Variants in BCAP29 observed in about 807,000 individuals in gnomAD.
BCAP29 encodes B-cell receptor-associated protein 29.
Under a neutral mutation model 31.8 loss-of-function variants are expected in BCAP29, and 34 were observed. The ratio of observed to expected loss-of-function variants is 1.07; its 90% confidence interval spans 0.81 to 1.42. The LOEUF is 1.42. Ranked by LOEUF, BCAP29 falls within the 40% of genes most tolerant of loss-of-function variation. The probability of loss-of-function intolerance (pLI) is 0.00; values close to 1 mark genes in which losing one functional copy is unlikely to be tolerated. For synonymous variants in BCAP29, 104 were observed against 91.3 expected (o/e 1.14, Z -0.79); for missense variants, 314 against 269.2 (o/e 1.17, Z -1.16).
At position 107,612,437 on chromosome 7, in the gene BCAP29, A is replaced by ATATATTTATT. The variant is rs771741951; in HGVS notation, c.590-892_590-891insATTTATTTAT. ...TATATATATATATATATATATATAT[A>ATATATTTATT]TATTTATTTTACTTCTATCTAAGGC... On this transcript the variant is annotated intron_variant, in intron 6 of 7. Coordinates refer to ENST00000005259, the MANE Select transcript of BCAP29 (RefSeq NM_018844.4). Among the ~76,000 whole-genome samples, 188 of 113,080 alleles carry ATATATTTATT rather than the reference A, an allele frequency of 1.7e-3. 2 individuals carry two copies. Among genetic ancestry groups the ATATATTTATT allele is most frequent in the African/African-American group, 4.9e-3 (132 of 26,688 alleles). 74.2% of individuals were successfully genotyped at this position (113,080 alleles called of 152,430 possible).
chr7:107,584,421 A>G (rs1392738417), intron 3 of BCAP29, among the ~76,000 whole-genome samples: 1 of 152,254 alleles, frequency 6.6e-6, no homozygotes, highest in East Asian at 1.9e-4. Context: ...ATTAAAAAAT[A>G]AACATGGCCG....
At chr7:107,585,921 G>T (rs1807582346) in intron 3 of BCAP29, among the ~76,000 whole-genome samples, 1 of 152,108 alleles carries the variant, frequency 6.6e-6, no homozygotes, top group South Asian at 2.1e-4. Context: ...CACCCGAGAG[G>T]CAGAGGTTGC....
intron 6 of BCAP29, among the ~76,000 whole-genome samples, chr7:107,610,931 T>C (rs953316938): frequency 1.3e-5 from 2 of 152,210 alleles, no homozygotes; most frequent in Non-Finnish European, 2.9e-5. Flanking sequence ...TAGAAAGTAC[T>C]CTAGACTCAG....
At chr7:107,621,584 G>A (rs1471375974), downstream of BCAP29, 1 of 395,790 alleles carries the variant, frequency 2.5e-6, no homozygotes, top group Non-Finnish European at 5.2e-6. Flanking sequence ...ATTATTCTGG[G>A]TAATCTGGGA....
intron 7 of BCAP29, chr7:107,615,741 C>G (rs537650615): frequency 1.1e-5 from 2 of 179,078 alleles, no homozygotes; most frequent in Admixed American, 1.1e-4. Flanking sequence ...AGGACTTGAT[C>G]TAATTTCTGC....
Position 107,595,688 on chromosome 7 carries a change from T to C in BCAP29, c.345-179T>C, listed in dbSNP as rs1809677682. 5.8e-6 allele frequency: 3 copies of C among 521,212 alleles called. No individual in the cohort carries two copies. The South Asian group carries it at 9.9e-5, about 17-fold the overall frequency. The allele number at this position is 521,212 out of a possible 1,614,324, so 32.3% of individuals were successfully genotyped here. A position where few individuals can be genotyped will look rare whatever the true frequency, so the allele number is the denominator to read the frequency against. ...TCTTCTAACAAAGATTCCAAAGGAA[T>C]GAGACACGGGCCTGTTTTTACTAAG... On this transcript the variant is annotated intron_variant, in intron 4 of 7. Coordinates refer to ENST00000005259, the MANE Select transcript of BCAP29 (RefSeq NM_018844.4).
chr7:107,594,588 A>G lies in BCAP29; in HGVS notation c.344+483A>G, dbSNP rs13224903. On this transcript the variant is annotated intron_variant, in intron 4 of 7. Coordinates refer to ENST00000005259, the MANE Select transcript of BCAP29 (RefSeq NM_018844.4). ...GCGATCTCGGCTCACTGCAAGCTCCACCTCCTGGGTTCACACCATTCTCCT... is the reference window on the plus strand; with the variant it reads ...GCGATCTCGGCTCACTGCAAGCTCCGCCTCCTGGGTTCACACCATTCTCCT... Among the ~76,000 whole-genome samples the G allele has an allele frequency of 5.1e-3, 778 of 151,786 alleles. 9 individuals carry two copies. Among genetic ancestry groups the G allele is most frequent in the South Asian group, 0.028 (135 of 4,788 alleles).
At chr7:107,584,394 G>T (rs1442116484) in intron 3 of BCAP29, among the ~76,000 whole-genome samples, 2 of 152,158 alleles carry the variant, frequency 1.3e-5, no homozygotes, top group Admixed American at 6.5e-5. Context: ...TAGATGCAGG[G>T]TGTGCATTTG....
intron 3 of BCAP29, 35 bp from the exon 4 acceptor site, chr7:107,593,920 A>G (rs1247154193): frequency 6.4e-7 from 1 of 1,550,474 alleles, no homozygotes; most frequent in African/African-American, 1.4e-5. Flanking sequence ...TATTCGTAAA[A>G]GCCAAAAGTA....
At chr7:107,594,639 G>A (rs962382727) in intron 4 of BCAP29, among the ~76,000 whole-genome samples, 4 of 151,944 alleles carry the variant, frequency 2.6e-5, no homozygotes, top group Admixed American at 1.3e-4. Flanking sequence ...GTAGCTGGGA[G>A]TACAGGCGCC....
At chr7:107,588,656 G>A (rs1808161864) in intron 3 of BCAP29, among the ~76,000 whole-genome samples, 1 of 152,106 alleles carries the variant, frequency 6.6e-6, no homozygotes, top group South Asian at 2.1e-4. Flanking sequence ...TCTTCCAACC[G>A]CTTTCCAGTC....
At chr7:107,582,981 G>A (rs78437968) in intron 2 of BCAP29, among the ~76,000 whole-genome samples, 2 of 152,016 alleles carry the variant, frequency 1.3e-5, no homozygotes, top group Non-Finnish European at 2.9e-5. Flanking sequence ...GTAGTTACTT[G>A]AAGTTGTCCT....
chr7:107,605,380 A>G (rs1351388247), intron 6 of BCAP29, among the ~76,000 whole-genome samples: 1 of 152,240 alleles, frequency 6.6e-6, no homozygotes, highest in Non-Finnish European at 1.5e-5. Flanking sequence ...GGTAAACCAA[A>G]CATATGTCCA....
downstream of BCAP29, chr7:107,622,378 A>T (rs556549567): frequency 6.5e-6 from 1 of 154,488 alleles, no homozygotes; most frequent in South Asian, 2.0e-4. Flanking sequence ...GCCTCAACTC[A>T]GTCCACCTGC....
intron 2 of BCAP29, 26 bp downstream of exon 2, chr7:107,580,890 A>G (rs2129204661): frequency 3.3e-6 from 5 of 1,505,366 alleles, no homozygotes; most frequent in Non-Finnish European, 3.6e-6. Flanking sequence ...ATCGTTAACT[A>G]ATAAATATTG....
intron 4 of BCAP29, 81 bp downstream of exon 4, chr7:107,594,186 A>G: frequency 2.3e-6 from 3 of 1,322,990 alleles, no homozygotes; most frequent in East Asian, 4.8e-5. Flanking sequence ...CCTTTACTGT[A>G]GATTTTTTTT....
At chr7:107,601,873 A>G (rs1354526185) in intron 6 of BCAP29, among the ~76,000 whole-genome samples, 8 of 152,200 alleles carry the variant, frequency 5.3e-5, no homozygotes, top group Non-Finnish European at 1.0e-4. Context: ...TGGCACAAAA[A>G]TAAAAGATAG....
Position 107,618,623 on chromosome 7 carries a change from G to T in BCAP29, c.*260G>T, listed in dbSNP as rs1814614812. On this transcript the variant is annotated 3_prime_UTR_variant, in exon 8 of 8. Transcript: ENST00000005259. ...CATATTGATAATGTCATTGGTATAT[G>T]GTGGCTGTTTACCAATAAAAGGAAA... The T allele has an allele frequency of 1.3e-6, 2 of 1,504,274 alleles. No homozygotes were observed. The highest frequency in any genetic ancestry group is 2.6e-5 in the South Asian group (2 of 75,494). The allele number at this position is 1,504,274 out of a possible 1,614,324, so 93.2% of individuals were successfully genotyped here.
At chr7:107,583,411 A>G (rs879236234) in intron 2 of BCAP29, among the ~76,000 whole-genome samples, 15 of 152,274 alleles carry the variant, frequency 9.9e-5, no homozygotes, top group Admixed American at 9.8e-4. Flanking sequence ...TCATGGTTAA[A>G]GTAGAGAAAC....
Sources: gnomAD v4.1 joint callset for allele counts (sites outside exome capture counted in the v4.1 genomes callset) on GRCh38, gnomAD v4.1.1 for gene constraint, MANE v1.5 for transcripts, NCBI Gene and HGNC (gene_info 2026-07-23, HGNC 2026-07-21) for gene names.